PIP5K1C: variants seen among roughly 807,000 people sequenced by gnomAD.
PIP5K1C encodes phosphatidylinositol 4-phosphate 5-kinase type-1 gamma.
A neutral mutation model predicts 80.1 loss-of-function variants in PIP5K1C; 45 were observed. That is an observed-to-expected ratio of 0.56 (90% CI 0.44 to 0.72). PIP5K1C has a LOEUF of 0.72. Ranked by LOEUF, PIP5K1C falls within the 30% of genes least tolerant of loss-of-function variation. The probability of loss-of-function intolerance (pLI) is 0.00; values close to 1 mark genes in which losing one functional copy is unlikely to be tolerated. For missense variants in PIP5K1C, 753 were observed against 954.6 expected (o/e 0.79, Z 2.78); for synonymous variants, 498 against 420.1 (o/e 1.19, Z -2.27).
chr19:3,651,768 A>C, intron 8 of PIP5K1C, 58 bp downstream of exon 8: 2 of 1,516,058 alleles, frequency 1.3e-6, no homozygotes, highest in Middle Eastern at 2.3e-4. Flanking sequence ...GGGGATGGGG[A>C]ACTGGAGCCT....
At position 3,671,559 on chromosome 19, in the gene PIP5K1C, CG is replaced by C. The variant is rs1379188198; in HGVS notation, c.95-4207del. ...GGGCCTGTAGGGTTAAGGGACTGGC[CG>C]GGGCCGAAGCACTGAGGTGGAGGTG... On this transcript the variant is annotated intron_variant, in intron 1 of 17. Transcript: ENST00000335312. Among the ~76,000 whole-genome samples, 9 of 152,316 alleles carry C rather than the reference CG, an allele frequency of 5.9e-5. No individual in the cohort carries two copies. In the South Asian group the frequency reaches 1.7e-3, roughly 28 times the overall value.
chr19:3,639,571 A>AT (rs1027943924), intron 15 of PIP5K1C, among the ~76,000 whole-genome samples: 1 of 151,732 alleles, frequency 6.6e-6, no homozygotes, highest in African/African-American at 2.4e-5. Flanking sequence ...AGCTGAGACT[A>AT]TAGGTGTGCA....
chr19:3,691,740 G>A (rs918233155), intron 1 of PIP5K1C, among the ~76,000 whole-genome samples: 3 of 152,200 alleles, frequency 2.0e-5, no homozygotes, highest in African/African-American at 7.2e-5. Context: ...CCACCTTTCT[G>A]GGTTACAGAA....
chr19:3,633,155 G>C lies in PIP5K1C; in HGVS notation c.*12C>G. 1 of 766,040 alleles carries C rather than the reference G, an allele frequency of 1.3e-6. No homozygotes were observed. Among genetic ancestry groups the C allele is most frequent in the East Asian group, 2.5e-5 (1 of 40,630 alleles). The allele number at this position is 766,040 out of a possible 1,614,324, so 47.5% of individuals were successfully genotyped here. A position where few individuals can be genotyped will look rare whatever the true frequency, so the allele number is the denominator to read the frequency against. ...AGTGGAGCTCGGCTCTGGGTCGGGG[G>C]CTGCATAGAAATTACTGCAAGAGCA... On this transcript the variant is annotated 3_prime_UTR_variant, in exon 18 of 18. Transcript: ENST00000335312.
In PIP5K1C at chr19:3,656,370, G is replaced by A. The variant is rs371346962; in HGVS notation, c.621+35C>T. ...GCCAGCCGGGAGAAGGGGGTTGACC[G>A]AGGAGCCATCTGCCCCGCAGGGCGG... On this transcript the variant is annotated intron_variant, in intron 6 of 17. Coordinates refer to ENST00000335312, the MANE Select transcript of PIP5K1C (RefSeq NM_012398.3). The A allele has an allele frequency of 3.0e-5, 49 of 1,611,294 alleles. No homozygotes were observed. The East Asian group carries it at 5.3e-4, about 18-fold the overall frequency.
chr19:3,660,049 T>C (rs2034779002), intron 5 of PIP5K1C, among the ~76,000 whole-genome samples: 2 of 152,104 alleles, frequency 1.3e-5, no homozygotes, highest in Admixed American at 1.3e-4. Context: ...GAAGTGGTGA[T>C]GGCGCAGGTT....
intron 1 of PIP5K1C, 52 bp downstream of exon 1, chr19:3,700,245 C>G: frequency 9.7e-7 from 1 of 1,035,922 alleles, no homozygotes; most frequent in Non-Finnish European, 1.2e-6. Flanking sequence ...CCGCGACTCT[C>G]GGCGCTCGGA....
chr19:3,654,786 C>T (rs1022610122), intron 6 of PIP5K1C, among the ~76,000 whole-genome samples: 1 of 149,862 alleles, frequency 6.7e-6, no homozygotes, highest in African/African-American at 2.5e-5. Context: ...TGCATTCCAG[C>T]CTGGGCAACA....
intron 3 of PIP5K1C, 81 bp downstream of exon 3, chr19:3,664,741 C>T: frequency 8.5e-7 from 1 of 1,179,652 alleles, no homozygotes; most frequent in Non-Finnish European, 1.3e-6. Context: ...GGGCGATAGG[C>T]CCCATCCATG....
intron 1 of PIP5K1C, among the ~76,000 whole-genome samples, chr19:3,693,154 G>A (rs1026260483): frequency 2.6e-5 from 4 of 152,170 alleles, no homozygotes; most frequent in East Asian, 1.9e-4. Flanking sequence ...CCCAGCACCC[G>A]GCCACAGCAC....
In PIP5K1C at chr19:3,692,966, C is replaced by T. The variant is rs77639285; in HGVS notation, c.94+7331G>A. ...CCCCTGGATCTCTGTTCAAGTGTGG[C>T]CCCCGAGTCCCCAGCCTTGAGGGCA... On this transcript the variant is annotated intron_variant, in intron 1 of 17. Coordinates refer to ENST00000335312, the MANE Select transcript of PIP5K1C (RefSeq NM_012398.3). This position sits in a 1 kb window ranked among gnomAD's most constrained non-coding sequence, Gnocchi z 5.2. 1.3e-5 allele frequency among the ~76,000 whole-genome samples: 2 copies of T among 152,016 alleles called. No homozygotes were observed. Among genetic ancestry groups the T allele is most frequent in the African/African-American group, 2.4e-5 (1 of 41,360 alleles).
chr19:3,652,328 G>T (rs1300010549), intron 7 of PIP5K1C, among the ~76,000 whole-genome samples: 1 of 152,270 alleles, frequency 6.6e-6, no homozygotes, highest in African/African-American at 2.4e-5. Context: ...CTGAGAGACA[G>T]GGAGCCGGGC....
intron 11 of PIP5K1C, among the ~76,000 whole-genome samples, 159 bp from the exon 12 acceptor site, chr19:3,644,410 G>A (rs1350272855): frequency 2.0e-5 from 3 of 152,142 alleles, no homozygotes; most frequent in Admixed American, 1.3e-4. Context: ...GTGGAAAACC[G>A]GGGTCTGCCT....
chr19:3,633,429 G>A lies in PIP5K1C; in HGVS notation c.2004+8C>T. ...CGGGACCGGCGGGTGCACCTGGGCT[G>A]CACTTACTGTGTCGCTCTCGCCGTC... On this transcript the variant is annotated splice_region_variant and intron_variant, in intron 17 of 17. Coordinates refer to ENST00000335312, the MANE Select transcript of PIP5K1C (RefSeq NM_012398.3). 1 of 1,485,682 alleles carries A rather than the reference G, an allele frequency of 6.7e-7. No individual in the cohort carries two copies. Among genetic ancestry groups the A allele is most frequent in the Non-Finnish European group, 9.0e-7 (1 of 1,116,078 alleles). The allele number at this position is 1,485,682 out of a possible 1,614,324, so 92.0% of individuals were successfully genotyped here. A position where few individuals can be genotyped will look rare whatever the true frequency, so the allele number is the denominator to read the frequency against.
intron 3 of PIP5K1C, among the ~76,000 whole-genome samples, chr19:3,663,221 C>CG (rs143439164): frequency 0.25 from 38,655 of 152,056 alleles, 5,476 homozygotes; most frequent in African/African-American, 0.35. Context: ...TGTGTGCTCT[C>CG]GCGCCATGTT....
At chr19:3,660,023 C>T (rs2034778315) in intron 5 of PIP5K1C, among the ~76,000 whole-genome samples, 1 of 152,182 alleles carries the variant, frequency 6.6e-6, no homozygotes, top group Non-Finnish European at 1.5e-5. Context: ...TGGGAAAAGG[C>T]CACCCGGAGC....
At chr19:3,670,610 G>C (rs1004749493) in intron 1 of PIP5K1C, among the ~76,000 whole-genome samples, 1 of 152,222 alleles carries the variant, frequency 6.6e-6, no homozygotes, top group Non-Finnish European at 1.5e-5. Flanking sequence ...CCCCAGTCCC[G>C]GGGACTTTGT....
chr19:3,673,415 C>A (rs943027711), intron 1 of PIP5K1C, among the ~76,000 whole-genome samples: 2 of 152,192 alleles, frequency 1.3e-5, no homozygotes, highest in African/African-American at 4.8e-5. Context: ...GGGTCCCAGG[C>A]CTGCTCTGTC....
In PIP5K1C at chr19:3,662,718, G is replaced by A. The variant is rs148442191; in HGVS notation, c.220-717C>T. Among the ~76,000 whole-genome samples, 11 of 152,162 alleles carry A rather than the reference G, an allele frequency of 7.2e-5. No individual in the cohort carries two copies. In the East Asian group the frequency reaches 7.7e-4, roughly 11 times the overall value. On this transcript the variant is annotated intron_variant, in intron 3 of 17. Coordinates refer to ENST00000335312, the MANE Select transcript of PIP5K1C (RefSeq NM_012398.3). ...GTAGCTGGGATTATAGGTGCGCGCC[G>A]TCACGCCTGGCTAATTTTTGTATTT...
Sources: gnomAD v4.1 joint callset for allele counts (sites outside exome capture counted in the v4.1 genomes callset) on GRCh38, gnomAD v4.1.1 for gene constraint, Gnocchi (gnomAD v3.1) non-coding constraint, MANE v1.5 for transcripts, NCBI Gene and HGNC (gene_info 2026-07-23, HGNC 2026-07-21) for gene names.